PRSS41: variants seen among roughly 807,000 people sequenced by gnomAD.
PRSS41 encodes protease, serine 41.
In PRSS41, 37 loss-of-function variants were observed where a neutral mutation model predicts 28.8. The observed-to-expected ratio is 1.29, with a 90% CI of 0.99 to 1.69. PRSS41 has a LOEUF of 1.69. PRSS41 is among the 40% of genes most tolerant of loss of function. PRSS41 has a pLI of 0.00. For missense variants in PRSS41, 431 were observed against 400.7 expected, an observed-to-expected ratio of 1.08 and a Z score of -0.65; for synonymous variants, 195 against 163.1, an observed-to-expected ratio of 1.20 and a Z score of -1.49.
rs915572908 is a variant in PRSS41, at chr16:2,799,448, G to A, written c.420G>A (p.Leu140=). Reference sequence around the variant, plus strand: ...GCAATGACATTGCCCTGCTGAGACTGGCCTCTTCTGTCACCTACAATGCGT... The same window carrying A: ...GCAATGACATTGCCCTGCTGAGACTAGCCTCTTCTGTCACCTACAATGCGT... Residue 140 remains leucine (L), a synonymous_variant, in exon 4 of 6, where the codon CTG becomes CTA. Coordinates refer to ENST00000399677, the Ensembl canonical transcript of PRSS41. The A allele has an allele frequency of 3.9e-6, 6 of 1,552,076 alleles. No individual in the cohort carries two copies. The Admixed American group carries it at 1.2e-4, about 30-fold the overall frequency.
chr16:2,805,291 G>A (rs754660730), exon 6 of PRSS41: 15 of 622,580 alleles, frequency 2.4e-5, no homozygotes, highest in African/African-American at 9.2e-5. Flanking sequence ...TAATAAATAC[G>A]TGTGCATGTT....
intron 4 of PRSS41, among the ~76,000 whole-genome samples, chr16:2,802,763 C>T (rs559268030): frequency 1.6e-4 from 25 of 152,276 alleles, no homozygotes; most frequent in Admixed American, 3.3e-4. Context: ...CGCAGGCACT[C>T]GGCAGGCTGA....
rs550631557 is a variant in PRSS41 at position 2,799,535 on chromosome 16, G to T, written c.507G>T (p.Trp169Cys). Residue 169 changes from tryptophan (W) to cysteine (C), a missense_variant, in exon 4 of 6, where the codon TGG becomes TGT. Trp to Cys is a radical substitution (Grantham distance 215). Coordinates refer to ENST00000399677, the Ensembl canonical transcript of PRSS41. ...ACTTCGTGCACCGGCCGGACTGCTG[G>T]GTGACCGGCTGGGGGTTAATCAGCC... 4 of 1,551,802 alleles carry T rather than the reference G, an allele frequency of 2.6e-6. No homozygotes were observed. In the African/African-American group the frequency reaches 5.5e-5, roughly 21 times the overall value.
At chr16:2,805,015 T>G (rs1046158421) in exon 6 of PRSS41, 5 of 1,568,802 alleles carry the variant, frequency 3.2e-6, no homozygotes, top group Non-Finnish European at 4.3e-6. Flanking sequence ...ATCGGCCTGG[T>G]GTCTACACCA....
At chr16:2,801,192 ACTGT>A (rs1009535851) in intron 4 of PRSS41, among the ~76,000 whole-genome samples, 3 of 152,308 alleles carry the variant, frequency 2.0e-5, no homozygotes, top group East Asian at 1.9e-4. Flanking sequence ...TTGTTGTAGA[ACTGT>A]CTATTTCTCC....
In PRSS41 at chr16:2,798,635, G is replaced by C. The variant is rs541957365; in HGVS notation, c.65-1G>C. The C allele has an allele frequency of 1.5e-5, 22 of 1,499,972 alleles. No homozygotes were observed. In the South Asian group the frequency reaches 2.2e-4, roughly 15 times the overall value. The allele number at this position is 1,499,972 out of a possible 1,614,324, so 92.9% of individuals were successfully genotyped here. A position where few individuals can be genotyped will look rare whatever the true frequency, so the allele number is the denominator to read the frequency against. Reference sequence around the variant, plus strand: ...CGAGGGTCACTTCTTGTGTCCTGCAGAGTCGCAGGAGGAGGAGCTGTTGTC... The same window carrying C: ...CGAGGGTCACTTCTTGTGTCCTGCACAGTCGCAGGAGGAGGAGCTGTTGTC... On this transcript the variant is annotated splice_acceptor_variant, in intron 1 of 5. Coordinates refer to ENST00000399677, the Ensembl canonical transcript of PRSS41. LOFTEE classifies it high-confidence loss of function.
Position 2,799,505 on chromosome 16 carries a change from CT to C in PRSS41, c.479del (p.Phe160SerfsTer11). On this transcript the variant is annotated frameshift_variant, in exon 4 of 6. Coordinates refer to ENST00000399677, the Ensembl canonical transcript of PRSS41. LOFTEE classifies it high-confidence loss of function. ...AGCCCATTTGCATCGAGTCTTCCAC[CT>C]TCAACTTCGTGCACCGGCCGGACTG... The C allele has an allele frequency of 6.4e-7, 1 of 1,552,010 alleles. No individual in the cohort carries two copies. The highest frequency in any genetic ancestry group is 8.7e-7 in the Non-Finnish European group (1 of 1,147,080).
exon 6 of PRSS41, chr16:2,805,107 T>C (rs1172531673): frequency 1.3e-6 from 2 of 1,551,522 alleles, no homozygotes; most frequent in South Asian, 2.4e-5. Flanking sequence ...CTGTTGCTGC[T>C]CCTTGCCCTG....
rs753695758 is a variant in PRSS41 at position 2,804,530 on chromosome 16, G to A, written c.683G>A (p.Ser228Asn). 1.2e-5 allele frequency: 18 copies of A among 1,550,970 alleles called. No individual in the cohort carries two copies. The South Asian group carries it at 2.0e-4, about 17-fold the overall frequency. The change falls in exon 5 of 6, where the codon AGT becomes AAT. Residue 228 changes from serine (S) to asparagine (N), a missense_variant. Transcript: ENST00000399677. ...TTTTGTGCTGGTGCTGAGGATGGCA[G>A]TGTAGACACCTGCAAAGTGAGTGCC...
chr16:2,802,841 C>G (rs970234839), intron 4 of PRSS41, among the ~76,000 whole-genome samples: 2 of 148,738 alleles, frequency 1.3e-5, no homozygotes, highest in Non-Finnish European at 2.9e-5. Context: ...GCTTCGGCTC[C>G]GCATGAGAGG....
intron 4 of PRSS41, among the ~76,000 whole-genome samples, chr16:2,801,128 G>A (rs905242512): frequency 4.6e-5 from 7 of 152,086 alleles, no homozygotes; most frequent in African/African-American, 7.2e-5. Context: ...TGTGAGCCAC[G>A]GTGCCCAGCC....
intron 4 of PRSS41, 141 bp downstream of exon 4, chr16:2,799,710 C>CA (rs2068974561): frequency 9.2e-6 from 8 of 866,388 alleles, no homozygotes; most frequent in Non-Finnish European, 1.4e-5. Context: ...CTCATTCTCT[C>CA]CTCACTTGCT....
chr16:2,798,600 G>A (rs1268571483), intron 1 of PRSS41, 36 bp from the exon 2 acceptor site: 2 of 1,524,274 alleles, frequency 1.3e-6, no homozygotes, highest in South Asian at 2.4e-5. Context: ...AGGCCGGGAG[G>A]TGGAGGCCGC....
At chr16:2,802,399 T>C (rs1448302248) in intron 4 of PRSS41, among the ~76,000 whole-genome samples, 2 of 132,804 alleles carry the variant, frequency 1.5e-5, no homozygotes, top group Non-Finnish European at 3.2e-5. Context: ...CTTTCCAGAC[T>C]GGGCAGCCAG....
chr16:2,802,422 C>G (rs1220133625), intron 4 of PRSS41, among the ~76,000 whole-genome samples: 1 of 150,892 alleles, frequency 6.6e-6, no homozygotes, highest in Non-Finnish European at 1.5e-5. Flanking sequence ...AGAGGGGCTC[C>G]TCACATCCCA....
intron 4 of PRSS41, among the ~76,000 whole-genome samples, chr16:2,803,660 C>T (rs2069003406): frequency 6.6e-6 from 1 of 152,202 alleles, no homozygotes; most frequent in African/African-American, 2.4e-5. Flanking sequence ...GTTTGTATGA[C>T]TTTGAGTTAC....
At position 2,805,242 on chromosome 16, in the gene PRSS41, C is replaced by T. The variant is rs566581390; in HGVS notation, c.*110C>T. 33 of 788,138 alleles carry T rather than the reference C, an allele frequency of 4.2e-5. No individual in the cohort carries two copies. The South Asian group carries it at 5.7e-4, about 14-fold the overall frequency. 48.8% of individuals were successfully genotyped at this position (788,138 alleles called of 1,614,324 possible). On this transcript the variant is annotated 3_prime_UTR_variant, in exon 6 of 6. Coordinates refer to ENST00000399677, the Ensembl canonical transcript of PRSS41. Reference sequence around the variant, plus strand: ...CGCTTCAGGGACAGGGTTGGGACTGCCTGCTGGATCAGATTCCGGCCCCTT... The same window carrying T: ...CGCTTCAGGGACAGGGTTGGGACTGTCTGCTGGATCAGATTCCGGCCCCTT...
At chr16:2,799,646 C>CA (rs1305950710) in intron 4 of PRSS41, 77 bp downstream of exon 4, 6 of 1,426,826 alleles carry the variant, frequency 4.2e-6, no homozygotes, top group Non-Finnish European at 5.7e-6. Context: ...TCCCGCTACA[C>CA]AAGCACAGCA....
At chr16:2,801,606 AT>A in intron 4 of PRSS41, among the ~76,000 whole-genome samples, 2 of 151,416 alleles carry the variant, frequency 1.3e-5, no homozygotes, top group South Asian at 2.1e-4. Flanking sequence ...CCCTTAATCC[AT>A]TTAACCCTGA....
Sources: gnomAD v4.1 joint callset for allele counts (sites outside exome capture counted in the v4.1 genomes callset) on GRCh38, gnomAD v4.1.1 for gene constraint, MANE v1.5 for transcripts, NCBI Gene and HGNC (gene_info 2026-07-23, HGNC 2026-07-21) for gene names.